Variants in GALNT18 observed in about 807,000 individuals in gnomAD.
The protein encoded by GALNT18 is polypeptide N-acetylgalactosaminyltransferase 18.
A neutral mutation model predicts 69.5 loss-of-function variants in GALNT18; 44 were observed. The observed-to-expected ratio is 0.63, with a 90% CI of 0.50 to 0.81. The LOEUF (loss-of-function observed/expected upper bound fraction) is 0.81, where lower values mean the gene tolerates loss of function less well. Ranked by LOEUF, GALNT18 falls within the 40% of genes least tolerant of loss-of-function variation. The probability of loss-of-function intolerance (pLI) is 0.00; values close to 1 mark genes in which losing one functional copy is unlikely to be tolerated. For synonymous variants in GALNT18, 364 were observed against 318.2 expected, an observed-to-expected ratio of 1.14 and a Z score of -1.53; for missense variants, 715 against 810.0, an observed-to-expected ratio of 0.88 and a Z score of 1.42.
At position 11,480,194 on chromosome 11, in the gene GALNT18, A is replaced by G. The variant is rs1210761446; in HGVS notation, c.236-31258T>C. ...AGAACAAGCCATGGGTGGTAGCCACAAAATAAACTAAAAGAAGGGGTCAAT... is the reference window on the plus strand; with the variant it reads ...AGAACAAGCCATGGGTGGTAGCCACGAAATAAACTAAAAGAAGGGGTCAAT... On this transcript the variant is annotated intron_variant, in intron 1 of 10. Coordinates refer to ENST00000227756, the MANE Select transcript of GALNT18 (RefSeq NM_198516.3). This position sits in a 1 kb window ranked among gnomAD's most constrained non-coding sequence, Gnocchi z 4.6. Among the ~76,000 whole-genome samples, 1 of 152,124 alleles carries G rather than the reference A, an allele frequency of 6.6e-6. No individual in the cohort carries two copies. Among genetic ancestry groups the G allele is most frequent in the Non-Finnish European group, 1.5e-5 (1 of 68,020 alleles).
chr11:11,423,813 G>T (rs79094908), intron 3 of GALNT18, among the ~76,000 whole-genome samples: 3,105 of 152,316 alleles, frequency 0.02, 101 homozygotes, highest in African/African-American at 0.07. Flanking sequence ...CCTTAACTTC[G>T]CTGGGTCTGC....
At chr11:11,280,460 C>T (rs1849048265) in intron 10 of GALNT18, among the ~76,000 whole-genome samples, 1 of 152,072 alleles carries the variant, frequency 6.6e-6, no homozygotes, top group African/African-American at 2.4e-5. Context: ...CCCAGCTGCC[C>T]ACCCTTGGAG....
In GALNT18 at chr11:11,505,944, A is replaced by T. The variant is rs1375211835; in HGVS notation, c.236-57008T>A. Among the ~76,000 whole-genome samples the T allele has an allele frequency of 2.0e-5, 3 of 152,158 alleles. No homozygotes were observed. Among genetic ancestry groups the T allele is most frequent in the African/African-American group, 7.2e-5 (3 of 41,432 alleles). On this transcript the variant is annotated intron_variant, in intron 1 of 10. Transcript: ENST00000227756. This position sits in a 1 kb window ranked among gnomAD's most constrained non-coding sequence, Gnocchi z 4.6. ...ATCCTCCCCTATGGCCTTCCTTATC[A>T]GTACAGGTTAGCAAGCATTTAAAGC...
At chr11:11,316,775 T>G (rs1337250212) in intron 9 of GALNT18, among the ~76,000 whole-genome samples, 1 of 152,226 alleles carries the variant, frequency 6.6e-6, no homozygotes, top group Middle Eastern at 3.2e-3. Flanking sequence ...TCTCTCTTTT[T>G]GTGGGCTAGT....
chr11:11,522,011 A>G (rs1206654073), intron 1 of GALNT18, among the ~76,000 whole-genome samples: 1 of 152,108 alleles, frequency 6.6e-6, no homozygotes, highest in Non-Finnish European at 1.5e-5. Flanking sequence ...AGAATCAAAT[A>G]TCAGACACAG....
At chr11:11,418,680 C>T (rs1392380432) in intron 3 of GALNT18, among the ~76,000 whole-genome samples, 1 of 152,200 alleles carries the variant, frequency 6.6e-6, no homozygotes, top group Non-Finnish European at 1.5e-5. Context: ...GGGACAGAAA[C>T]ACTTTCTCAT....
At chr11:11,612,303 G>C (rs1284774116) in intron 1 of GALNT18, among the ~76,000 whole-genome samples, 1 of 152,214 alleles carries the variant, frequency 6.6e-6, no homozygotes, top group Non-Finnish European at 1.5e-5. Context: ...ACCTGGGCCA[G>C]TCCCTGACCT....
intron 6 of GALNT18, among the ~76,000 whole-genome samples, chr11:11,369,745 A>G (rs1461048286): frequency 6.6e-6 from 1 of 151,686 alleles, no homozygotes. Flanking sequence ...TTTCTCACTC[A>G]TTTCGTTGTG....
chr11:11,545,484 A>G (rs1478323495), intron 1 of GALNT18, among the ~76,000 whole-genome samples: 5 of 152,222 alleles, frequency 3.3e-5, no homozygotes, highest in African/African-American at 9.6e-5. Context: ...ATATATGCCA[A>G]CCATGCCCAC....
At position 11,413,769 on chromosome 11, in the gene GALNT18, A is replaced by G. The variant is rs1189320010; in HGVS notation, c.595+18852T>C. Among the ~76,000 whole-genome samples the G allele has an allele frequency of 6.6e-6, 1 of 152,266 alleles. No individual in the cohort carries two copies. The highest frequency in any genetic ancestry group is 6.5e-5 in the Admixed American group (1 of 15,294). On this transcript the variant is annotated intron_variant, in intron 3 of 10. Transcript: ENST00000227756. The surrounding 1 kb of genome is among the most constrained non-coding windows in gnomAD (Gnocchi z 4.7). ...TATTTCACCATTCTTCAAGAGGATGACTGTGGAGCTAGCTGTGCAGCCAAG... is the reference window on the plus strand; with the variant it reads ...TATTTCACCATTCTTCAAGAGGATGGCTGTGGAGCTAGCTGTGCAGCCAAG...
chr11:11,443,298 CCCT>C (rs749941741), intron 2 of GALNT18, among the ~76,000 whole-genome samples: 2 of 152,108 alleles, frequency 1.3e-5, no homozygotes, highest in Non-Finnish European at 2.9e-5. Flanking sequence ...AAAAGATGTC[CCCT>C]CCTCCTACCT....
chr11:11,334,495 A>G (rs546235275), intron 7 of GALNT18, among the ~76,000 whole-genome samples: 25 of 151,912 alleles, frequency 1.6e-4, no homozygotes, highest in African/African-American at 5.5e-4. Flanking sequence ...GTGAGCCGAG[A>G]TCGCACCATT....
At chr11:11,400,133 T>G (rs1329531178) in intron 3 of GALNT18, among the ~76,000 whole-genome samples, 1 of 152,128 alleles carries the variant, frequency 6.6e-6, no homozygotes, top group Non-Finnish European at 1.5e-5. Flanking sequence ...TCACTCACTA[T>G]GGAGGAAGCC....
chr11:11,282,639 G>A (rs2132987760), intron 10 of GALNT18, among the ~76,000 whole-genome samples: 1 of 152,300 alleles, frequency 6.6e-6, no homozygotes, highest in East Asian at 1.9e-4. Context: ...GACTGAGGGA[G>A]CTGGTGGTGC....
intron 1 of GALNT18, among the ~76,000 whole-genome samples, chr11:11,504,471 T>C (rs2133903632): frequency 6.6e-6 from 1 of 152,034 alleles, no homozygotes; most frequent in South Asian, 2.1e-4. Flanking sequence ...ATAAATCAGG[T>C]CATCACCGGG....
chr11:11,364,992 T>A (rs559880534), intron 6 of GALNT18, among the ~76,000 whole-genome samples: 10 of 141,934 alleles, frequency 7.0e-5, no homozygotes, highest in Non-Finnish European at 1.2e-4. Context: ...TTGTCCATAA[T>A]AAAGAGTTTT....
chr11:11,283,514 G>A (rs1020519846), intron 10 of GALNT18, among the ~76,000 whole-genome samples: 15 of 152,160 alleles, frequency 9.9e-5, no homozygotes, highest in African/African-American at 3.4e-4. Flanking sequence ...GTGGTGCTGT[G>A]TTGGGCACAG....
rs148805547 is a variant in GALNT18 at position 11,271,644 on chromosome 11, C to T, written c.1678-354G>A. Among the ~76,000 whole-genome samples, 386 of 85,874 alleles carry T rather than the reference C, an allele frequency of 4.5e-3. 2 individuals carry two copies. The highest frequency in any genetic ancestry group is 0.014 in the African/African-American group (355 of 25,692). 56.3% of individuals were successfully genotyped at this position (85,874 alleles called of 152,430 possible). ...CTCTGAAAAGCCTAGTTTCTTGGGA[C>T]GACCCATCATTGGCCTGCATTTGAG... On this transcript the variant is annotated intron_variant, in intron 10 of 10. Transcript: ENST00000227756.
chr11:11,487,941 A>C (rs1050446082), intron 1 of GALNT18, among the ~76,000 whole-genome samples: 1 of 152,196 alleles, frequency 6.6e-6, no homozygotes, highest in Non-Finnish European at 1.5e-5. Context: ...GATGAAAATA[A>C]TGGCTTGAGT....
Sources: allele counts gnomAD v4.1 joint callset (sites outside exome capture counted in the v4.1 genomes callset), GRCh38; gene constraint gnomAD v4.1.1; non-coding constraint Gnocchi (gnomAD v3.1); transcripts MANE v1.5; gene names NCBI Gene and HGNC (gene_info 2026-07-23, HGNC 2026-07-21).